NMNAT2: variants seen among roughly 807,000 people sequenced by gnomAD.
NMNAT2 encodes nicotinamide nucleotide adenylyltransferase 2.
Under a neutral mutation model 41.6 loss-of-function variants are expected in NMNAT2, and 11 were observed. The observed-to-expected ratio is 0.26, with a 90% CI of 0.17 to 0.44. NMNAT2 has a LOEUF of 0.44. Ranked by LOEUF, NMNAT2 falls within the 20% of genes least tolerant of loss-of-function variation. The pLI, the probability that NMNAT2 is intolerant of heterozygous loss-of-function variation, is 1.00. For missense variants in NMNAT2, 288 were observed against 407.7 expected (o/e 0.71, Z 2.53); for synonymous variants, 148 against 151.2 (o/e 0.98, Z 0.16).
At chr1:183,417,998 C>G (rs1346078586) in intron 1 of NMNAT2, among the ~76,000 whole-genome samples, 185 bp downstream of exon 1, 1 of 152,114 alleles carries the variant, frequency 6.6e-6, no homozygotes, top group Non-Finnish European at 1.5e-5. Flanking sequence ...AGTGACGCCT[C>G]GGAAACGCAG....
chr1:183,395,917 C>A (rs1374653138), intron 1 of NMNAT2, among the ~76,000 whole-genome samples: 1 of 152,136 alleles, frequency 6.6e-6, no homozygotes, highest in Non-Finnish European at 1.5e-5. Flanking sequence ...CCTCATCACC[C>A]AGGACCCTTC....
chr1:183,404,433 G>A (rs1160677824), intron 1 of NMNAT2, among the ~76,000 whole-genome samples: 1 of 152,212 alleles, frequency 6.6e-6, no homozygotes, highest in African/African-American at 2.4e-5. Flanking sequence ...GCCATATTAA[G>A]GGGGAATGCA....
At chr1:183,308,387 A>G (rs1480072400) in intron 1 of NMNAT2, among the ~76,000 whole-genome samples, 2 of 152,234 alleles carry the variant, frequency 1.3e-5, no homozygotes, top group Non-Finnish European at 2.9e-5. Context: ...TAGGAGGGCA[A>G]TATGGCAGTC....
chr1:183,417,261 G>A (rs1279085804), intron 1 of NMNAT2, among the ~76,000 whole-genome samples: 1 of 151,994 alleles, frequency 6.6e-6, no homozygotes, highest in African/African-American at 2.4e-5. Flanking sequence ...CCAGCCAGCC[G>A]GATGCCCCCG....
intron 6 of NMNAT2, 84 bp from the exon 7 acceptor site, chr1:183,284,123 GA>G: frequency 4.5e-6 from 4 of 896,948 alleles, no homozygotes; most frequent in Non-Finnish European, 6.8e-6. Context: ...GCCTCAGCAG[GA>G]ATTATTGGGA....
chr1:183,363,607 A>G (rs1462093124), intron 1 of NMNAT2, among the ~76,000 whole-genome samples: 3 of 126,962 alleles, frequency 2.4e-5, no homozygotes, highest in Non-Finnish European at 5.3e-5. Flanking sequence ...CACACACACA[A>G]TACCTCCACT....
At chr1:183,289,235 G>A (rs1181840343) in intron 4 of NMNAT2, among the ~76,000 whole-genome samples, 1 of 152,202 alleles carries the variant, frequency 6.6e-6, no homozygotes, top group Non-Finnish European at 1.5e-5. Context: ...GGAGGGCTCT[G>A]CTGCAGAGTC....
intron 1 of NMNAT2, among the ~76,000 whole-genome samples, chr1:183,383,612 T>A (rs1484077055): frequency 1.3e-5 from 2 of 152,218 alleles, no homozygotes; most frequent in Non-Finnish European, 2.9e-5. Context: ...TTTTACTGCT[T>A]AAAAATTTCT....
chr1:183,375,112 A>G (rs907958716), intron 1 of NMNAT2, among the ~76,000 whole-genome samples: 1 of 152,136 alleles, frequency 6.6e-6, no homozygotes, highest in Non-Finnish European at 1.5e-5. Context: ...TTCCTAACTC[A>G]TGCCCCTACC....
intron 1 of NMNAT2, among the ~76,000 whole-genome samples, chr1:183,406,714 A>G (rs532541604): frequency 1.2e-3 from 178 of 152,300 alleles, no homozygotes; most frequent in African/African-American, 3.9e-3. Context: ...AAAGTAGAGT[A>G]AGTACTTTAC....
intron 1 of NMNAT2, among the ~76,000 whole-genome samples, chr1:183,371,986 C>T (rs1663554610): frequency 6.6e-6 from 1 of 152,062 alleles, no homozygotes; most frequent in Non-Finnish European, 1.5e-5. Flanking sequence ...CAACACATTG[C>T]CCAGGCTGGT....
At chr1:183,359,573 G>T (rs1016978047) in intron 1 of NMNAT2, among the ~76,000 whole-genome samples, 4 of 152,182 alleles carry the variant, frequency 2.6e-5, no homozygotes, top group Non-Finnish European at 5.9e-5. Flanking sequence ...ATGCGAGGTT[G>T]TACTGGCCTT....
chr1:183,349,239 T>C (rs914165739), intron 1 of NMNAT2, among the ~76,000 whole-genome samples: 2 of 152,244 alleles, frequency 1.3e-5, no homozygotes, highest in Admixed American at 6.5e-5. Context: ...TTCTGCATGA[T>C]GGAATGGAAA....
intron 1 of NMNAT2, among the ~76,000 whole-genome samples, chr1:183,302,812 C>T (rs1367863965): frequency 6.6e-6 from 1 of 152,116 alleles, no homozygotes; most frequent in Non-Finnish European, 1.5e-5. Context: ...CCTGTTTCTC[C>T]ACTCCCTCTG....
At chr1:183,347,956 G>A (rs1180272198) in intron 1 of NMNAT2, among the ~76,000 whole-genome samples, 1 of 152,030 alleles carries the variant, frequency 6.6e-6, no homozygotes, top group Non-Finnish European at 1.5e-5. Context: ...AACAAATGGG[G>A]ACATGTCCAC....
chr1:183,385,001 G>A (rs920000732), intron 1 of NMNAT2, among the ~76,000 whole-genome samples: 104 of 151,846 alleles, frequency 6.8e-4, no homozygotes, highest in African/African-American at 2.5e-3. Context: ...TTTGAGACTG[G>A]CCTAAGCAAC....
At chr1:183,323,818 G>A (rs1289322457) in intron 1 of NMNAT2, among the ~76,000 whole-genome samples, 1 of 152,168 alleles carries the variant, frequency 6.6e-6, no homozygotes, top group Non-Finnish European at 1.5e-5. Context: ...ACAGGAGACA[G>A]GAAAGAATAT....
intron 1 of NMNAT2, among the ~76,000 whole-genome samples, chr1:183,303,306 T>C (rs1203749949): frequency 6.6e-6 from 1 of 152,212 alleles, no homozygotes; most frequent in African/African-American, 2.4e-5. Context: ...CCAAACCAAG[T>C]AATTAACTTA....
intron 1 of NMNAT2, among the ~76,000 whole-genome samples, chr1:183,399,772 A>G (rs1250123870): frequency 1.3e-5 from 2 of 152,226 alleles, no homozygotes; most frequent in African/African-American, 4.8e-5. Context: ...GCAAATCAAT[A>G]AATGTAATTC....
Sources: allele counts gnomAD v4.1 joint callset (sites outside exome capture counted in the v4.1 genomes callset), GRCh38; gene constraint gnomAD v4.1.1; transcripts MANE v1.5; gene names NCBI Gene and HGNC (gene_info 2026-07-23, HGNC 2026-07-21).